The following FRMD3 variants were observed in gnomAD, a reference collection of about 807,000 sequenced individuals.
The protein encoded by FRMD3 is FERM domain containing 3, also known as FERM domain-containing protein 3.
A neutral mutation model predicts 70.2 loss-of-function variants in FRMD3; 33 were observed. That is an observed-to-expected ratio of 0.47 (90% CI 0.36 to 0.63). The LOEUF is 0.63. Ranked by LOEUF, FRMD3 falls within the 20% of genes least tolerant of loss-of-function variation. The pLI is 0.00. For missense variants in FRMD3, 632 were observed against 711.4 expected, an observed-to-expected ratio of 0.89 and a Z score of 1.27; for synonymous variants, 279 against 255.9, an observed-to-expected ratio of 1.09 and a Z score of -0.86.
chr9:83,581,842 G>C, the FRMD3 span, among the ~76,000 whole-genome samples: 62 of 152,296 alleles, frequency 4.1e-4, 1 homozygote, highest in East Asian at 0.012. Context: ...AGACCACATA[G>C]TGTATGAATT....
At position 83,438,413 on chromosome 9, in the gene FRMD3, T is replaced by TTTGTTTTGTTTTGTTTTG. The variant is rs1554705416; in HGVS notation, c.148-48706_148-48705insCAAAACAAAACAAAACAA. Among the ~76,000 whole-genome samples the TTTGTTTTGTTTTGTTTTG allele has an allele frequency of 2.4e-3, 358 of 151,246 alleles. 4 individuals carry two copies. Among genetic ancestry groups the TTTGTTTTGTTTTGTTTTG allele is most frequent in the East Asian group, 0.021 (105 of 5,112 alleles). ...CTACCTGTCTCAGAAGAGAGTTTTT[T>TTTGTTTTGTTTTGTTTTG]TTTTGTTTTGTTTTGTTTTGTTTTG... On this transcript the variant is annotated intron_variant, in intron 1 of 13. Coordinates refer to ENST00000304195, the MANE Select transcript of FRMD3 (RefSeq NM_174938.6).
intron 1 of FRMD3, among the ~76,000 whole-genome samples, chr9:83,435,362 G>C (rs999000352): frequency 6.6e-6 from 1 of 152,120 alleles, no homozygotes; most frequent in Non-Finnish European, 1.5e-5. Context: ...CTGCTTAAGA[G>C]AAAGTTTGTG....
intron 1 of FRMD3, among the ~76,000 whole-genome samples, chr9:83,483,162 C>T (rs1377688100): frequency 1.3e-5 from 2 of 152,168 alleles, no homozygotes; most frequent in Admixed American, 6.5e-5. Flanking sequence ...TTGCTGTTCT[C>T]GTGACAGTGA....
intron 3 of FRMD3, among the ~76,000 whole-genome samples, chr9:83,351,867 C>T (rs1824174488): frequency 6.6e-6 from 1 of 152,140 alleles, no homozygotes; most frequent in African/African-American, 2.4e-5. Context: ...TCTTCCCCTC[C>T]TTTTGCCATC....
chr9:83,343,774 T>C (rs1823858770), intron 4 of FRMD3, among the ~76,000 whole-genome samples: 3 of 152,210 alleles, frequency 2.0e-5, no homozygotes, highest in Admixed American at 6.5e-5. Context: ...GACGCAGTCA[T>C]TATGAGGCCA....
At chr9:83,394,654 G>A (rs2131306781) in intron 1 of FRMD3, among the ~76,000 whole-genome samples, 1 of 152,294 alleles carries the variant, frequency 6.6e-6, no homozygotes, top group Admixed American at 6.5e-5. Context: ...ACCAGAGTCA[G>A]TAGTAAGTCC....
chr9:83,559,492 G>A, the FRMD3 span, among the ~76,000 whole-genome samples: 1 of 152,078 alleles, frequency 6.6e-6, no homozygotes, highest in Non-Finnish European at 1.5e-5. Flanking sequence ...GCTTTATTGT[G>A]GTGGTCTGGA....
At chr9:83,423,725 T>C (rs1826717072) in intron 1 of FRMD3, among the ~76,000 whole-genome samples, 1 of 151,042 alleles carries the variant, frequency 6.6e-6, no homozygotes, top group South Asian at 2.1e-4. Context: ...GCCTCCTGCG[T>C]AGCTGGAATT....
chr9:83,364,533 T>G (rs1824726325), intron 3 of FRMD3, among the ~76,000 whole-genome samples: 1 of 150,446 alleles, frequency 6.6e-6, no homozygotes, highest in Admixed American at 6.6e-5. Flanking sequence ...GCCAGCCTGG[T>G]GACAGAGCAA....
chr9:83,431,511 T>C (rs1183896514), intron 1 of FRMD3, among the ~76,000 whole-genome samples: 1 of 152,180 alleles, frequency 6.6e-6, no homozygotes, highest in African/African-American at 2.4e-5. Context: ...TTTTTCCCTA[T>C]TCTAACTTTT....
At position 83,245,067 on chromosome 9, in the gene FRMD3, A is replaced by G; in HGVS notation, c.*2851T>C. 1 of 985,342 alleles carries G rather than the reference A, an allele frequency of 1.0e-6. No homozygotes were observed. Among genetic ancestry groups the G allele is most frequent in the Non-Finnish European group, 1.2e-6 (1 of 829,888 alleles). The allele number at this position is 985,342 out of a possible 1,614,324, so 61.0% of individuals were successfully genotyped here. The stretch of plus-strand genomic sequence containing the variant: ...CCCTTTCAGGCTGTGGGTTTTACCC[A>G]CCATAGTATCTGAGAGGGAGAAGAA... On this transcript the variant is annotated 3_prime_UTR_variant, in exon 14 of 14. Coordinates refer to ENST00000304195, the MANE Select transcript of FRMD3 (RefSeq NM_174938.6).
the FRMD3 span, among the ~76,000 whole-genome samples, chr9:83,566,063 T>C: frequency 2.0e-5 from 3 of 152,222 alleles, no homozygotes; most frequent in African/African-American, 7.2e-5. Context: ...AGTGTATTAA[T>C]CTGTTTTCAT....
chr9:83,373,617 T>C (rs1334255551), intron 2 of FRMD3, among the ~76,000 whole-genome samples: 1 of 150,768 alleles, frequency 6.6e-6, no homozygotes, highest in Non-Finnish European at 1.5e-5. Flanking sequence ...CTGGTCCCAG[T>C]GGCTGGCCCT....
Position 83,537,864 on chromosome 9 carries a change from T to G in FRMD3, c.147+221A>C, listed in dbSNP as rs1007267496. ...AGGGTGCACGCGAGGGGAAGGAGAC[T>G]GGGCGCGGATAACGCGTGCCTGGCG... On this transcript the variant is annotated intron_variant, in intron 1 of 13. Transcript: ENST00000304195. The surrounding 1 kb of genome is among the most constrained non-coding windows in gnomAD (Gnocchi z 4.1). Among the ~76,000 whole-genome samples, 2 of 150,794 alleles carry G rather than the reference T, an allele frequency of 1.3e-5. No individual in the cohort carries two copies. Among genetic ancestry groups the G allele is most frequent in the Non-Finnish European group, 3.0e-5 (2 of 67,758 alleles).
intron 1 of FRMD3, among the ~76,000 whole-genome samples, chr9:83,514,990 A>G (rs1008111774): frequency 6.6e-6 from 1 of 152,218 alleles, no homozygotes. Flanking sequence ...AAGGTAGATA[A>G]ATCCATGAAG....
At chr9:83,492,230 A>C (rs1194141087) in intron 1 of FRMD3, among the ~76,000 whole-genome samples, 1 of 152,228 alleles carries the variant, frequency 6.6e-6, no homozygotes. Context: ...TAAAACTGAT[A>C]GAGTTGACAG....
At chr9:83,581,094 A>T in the FRMD3 span, among the ~76,000 whole-genome samples, 1 of 100,110 alleles carries the variant, frequency 1.0e-5, no homozygotes, top group Non-Finnish European at 2.0e-5. Context: ...TTACTTTTTA[A>T]AGATGAAATG....
chr9:83,296,333 G>A (rs960444511), intron 12 of FRMD3, among the ~76,000 whole-genome samples: 39 of 152,098 alleles, frequency 2.6e-4, no homozygotes, highest in African/African-American at 8.9e-4. Context: ...CAGCACCTTG[G>A]ACAGATCTCA....
chr9:83,316,261 T>C (rs13284867), intron 6 of FRMD3, among the ~76,000 whole-genome samples: 27,107 of 149,758 alleles, frequency 0.18, 2,546 homozygotes, highest in African/African-American at 0.22. Context: ...CAGGTTCAAA[T>C]GATTCTCCTG....
Sources: gnomAD v4.1 joint callset for allele counts (sites outside exome capture counted in the v4.1 genomes callset) on GRCh38, gnomAD v4.1.1 for gene constraint, Gnocchi (gnomAD v3.1) non-coding constraint, MANE v1.5 for transcripts, NCBI Gene and HGNC (gene_info 2026-07-23, HGNC 2026-07-21) for gene names.